The following STK33 variants were observed in gnomAD, a reference collection of about 807,000 sequenced individuals.
STK33 encodes serine/threonine kinase 33.
STK33 carries 52 observed loss-of-function variants against 58.0 expected under a neutral mutation model. That is an observed-to-expected ratio of 0.90 (90% CI 0.72 to 1.13). STK33 has a LOEUF of 1.13. STK33 is among the 50% of genes most tolerant of loss of function. The pLI is 0.00. For synonymous variants in STK33, 215 were observed against 200.1 expected, an observed-to-expected ratio of 1.07 and a Z score of -0.63; for missense variants, 630 against 604.2, an observed-to-expected ratio of 1.04 and a Z score of -0.45.
chr11:8,587,386 A>C (rs919825714), intron 1 of STK33, among the ~76,000 whole-genome samples: 3 of 152,178 alleles, frequency 2.0e-5, no homozygotes, highest in Non-Finnish European at 4.4e-5. Flanking sequence ...AAAAGGAACC[A>C]AAGCTAGAAA....
At chr11:8,585,222 A>AT (rs34448251) in intron 1 of STK33, among the ~76,000 whole-genome samples, 8,812 of 89,308 alleles carry the variant, frequency 0.099, 842 homozygotes, top group African/African-American at 0.16. Flanking sequence ...TGCACCCAGC[A>AT]TTTTTTTTTT....
At chr11:8,557,068 T>C (rs553081447) in intron 1 of STK33, among the ~76,000 whole-genome samples, 1 of 151,330 alleles carries the variant, frequency 6.6e-6, no homozygotes, top group Non-Finnish European at 1.5e-5. Context: ...CTGGGCAACA[T>C]AGTGAGACCT....
the STK33 span, among the ~76,000 whole-genome samples, chr11:8,337,285 T>C: frequency 2.0e-5 from 3 of 152,234 alleles, no homozygotes; most frequent in Non-Finnish European, 4.4e-5. Flanking sequence ...GGCCTATTTC[T>C]GTCTGCAGAC....
Position 8,446,377 on chromosome 11 carries a change from T to C in STK33, c.872-5624A>G, listed in dbSNP as rs369914842. Among the ~76,000 whole-genome samples, 161 of 152,306 alleles carry C rather than the reference T, an allele frequency of 1.1e-3. 1 individual carries two copies. Among genetic ancestry groups the C allele is most frequent in the African/African-American group, 3.6e-3 (151 of 41,572 alleles). On this transcript the variant is annotated intron_variant, in intron 11 of 15. Transcript: ENST00000687296. Reference sequence around the variant, plus strand: ...AGGGTTTTTCGTGTCCCTATCTCCTTGGGTTCTGCTCTGATCTTAGTTATT... The same window carrying C: ...AGGGTTTTTCGTGTCCCTATCTCCTCGGGTTCTGCTCTGATCTTAGTTATT...
In STK33 at chr11:8,501,084, T is replaced by C. The variant is rs144942599; in HGVS notation, c.-465-20470A>G. On this transcript the variant is annotated intron_variant, in intron 1 of 15. Transcript: ENST00000687296. ...GACCTAATTGTAAGGGCTAAAACTA[T>C]AAAACTTCTAGAAGAAAACATAGAG... Among the ~76,000 whole-genome samples the C allele has an allele frequency of 1.6e-4, 24 of 152,234 alleles. No homozygotes were observed. In the East Asian group the frequency reaches 4.6e-3, roughly 29 times the overall value.
At chr11:8,345,583 G>A in the STK33 span, among the ~76,000 whole-genome samples, 3 of 152,202 alleles carry the variant, frequency 2.0e-5, no homozygotes, top group East Asian at 1.9e-4. Flanking sequence ...CAGGGAGTAG[G>A]GGAACGTGGC....
intron 15 of STK33, among the ~76,000 whole-genome samples, chr11:8,393,125 T>A (rs1478942791): frequency 1.3e-5 from 2 of 152,188 alleles, no homozygotes; most frequent in African/African-American, 4.8e-5. Context: ...AAGTGCTACA[T>A]AAGGCCCACA....
At chr11:8,580,864 T>C (rs1467931239) in intron 1 of STK33, 3 of 152,142 alleles carry the variant, frequency 2.0e-5, no homozygotes, top group African/African-American at 4.8e-5. Flanking sequence ...TTCCAGCTAC[T>C]ACCATAGCAA....
intron 1 of STK33, among the ~76,000 whole-genome samples, chr11:8,491,937 G>A (rs979257501): frequency 6.6e-6 from 1 of 152,156 alleles, no homozygotes; most frequent in Admixed American, 6.5e-5. Flanking sequence ...AAGAGCTCCT[G>A]AAGGAAGCAC....
downstream of STK33, among the ~76,000 whole-genome samples, chr11:8,387,335 T>C (rs924398018): frequency 2.0e-5 from 3 of 152,322 alleles, no homozygotes; most frequent in South Asian, 2.1e-4. Flanking sequence ...GAGAGGCATA[T>C]AGTACAACAG....
At chr11:8,366,953 A>G in the STK33 span, among the ~76,000 whole-genome samples, 1 of 152,284 alleles carries the variant, frequency 6.6e-6, no homozygotes, top group East Asian at 1.9e-4. Context: ...TTGGGACTGT[A>G]CAGTGTGTGT....
At chr11:8,566,143 G>A (rs1187482274) in intron 1 of STK33, among the ~76,000 whole-genome samples, 1 of 152,126 alleles carries the variant, frequency 6.6e-6, no homozygotes, top group African/African-American at 2.4e-5. Flanking sequence ...ATCCTTCCAA[G>A]TTAAGACTCT....
intron 1 of STK33, among the ~76,000 whole-genome samples, chr11:8,582,907 T>C (rs1051646835): frequency 1.3e-5 from 2 of 152,104 alleles, no homozygotes; most frequent in African/African-American, 2.4e-5. Context: ...ATCTAGAAAT[T>C]ACAAAGAATA....
intron 7 of STK33, among the ~76,000 whole-genome samples, chr11:8,464,072 T>C (rs1346221167): frequency 1.3e-5 from 2 of 152,172 alleles, no homozygotes; most frequent in Non-Finnish European, 2.9e-5. Flanking sequence ...GAAAACACCA[T>C]AATGTTGTTT....
intron 1 of STK33, among the ~76,000 whole-genome samples, chr11:8,539,149 G>A (rs1955296024): frequency 2.0e-5 from 3 of 150,536 alleles, no homozygotes; most frequent in Non-Finnish European, 3.0e-5. Flanking sequence ...TATTCTGAAG[G>A]AGAAAAAAAA....
intron 1 of STK33, among the ~76,000 whole-genome samples, chr11:8,523,524 G>A (rs1014379809): frequency 3.3e-5 from 5 of 150,676 alleles, no homozygotes; most frequent in Admixed American, 1.3e-4. Context: ...CTGGGCAGCC[G>A]CCCCGTCTGG....
In STK33 at chr11:8,583,725, GTTACTT is replaced by G. The variant is rs2030889447; in HGVS notation, c.-466+10352_-466+10357del. ...AGAATAATCATATCCTCTGAAATAAGTTACTTTTAATCTCATCTAAAGAATCAAATA... is the reference window on the plus strand; with the variant it reads ...AGAATAATCATATCCTCTGAAATAAGTTAATCTCATCTAAAGAATCAAATA... On this transcript the variant is annotated intron_variant, in intron 1 of 15. Coordinates refer to ENST00000687296, the MANE Select transcript of STK33 (RefSeq NM_001352389.2). 3.9e-5 allele frequency among the ~76,000 whole-genome samples: 6 copies of G among 152,190 alleles called. 1 individual carries two copies. The South Asian group carries it at 1.2e-3, about 32-fold the overall frequency.
At chr11:8,390,189 T>C (rs905148024), downstream of STK33, among the ~76,000 whole-genome samples, 8 of 152,226 alleles carry the variant, frequency 5.3e-5, no homozygotes, top group Non-Finnish European at 1.0e-4. Context: ...TTCCTCTCTT[T>C]TTATCATATT....
the STK33 span, among the ~76,000 whole-genome samples, chr11:8,342,096 G>A: frequency 7.2e-4 from 110 of 152,296 alleles, 1 homozygote; most frequent in East Asian, 0.018. Context: ...GTCAGTCCAC[G>A]GAGGCGATTC....
Sources: allele counts gnomAD v4.1 joint callset (sites outside exome capture counted in the v4.1 genomes callset), GRCh38; gene constraint gnomAD v4.1.1; transcripts MANE v1.5; gene names NCBI Gene and HGNC (gene_info 2026-07-23, HGNC 2026-07-21).